CNOT9: variants seen among roughly 807,000 people sequenced by gnomAD.
CNOT9 encodes CCR4-NOT transcription complex subunit 9.
In CNOT9, 8 loss-of-function variants were observed where a neutral mutation model predicts 37.4. The ratio of observed to expected loss-of-function variants is 0.21; its 90% CI spans 0.13 to 0.39. The LOEUF (loss-of-function observed/expected upper bound fraction) is 0.39, where lower values mean the gene tolerates loss of function less well. CNOT9 is among the 10% of genes least tolerant of loss of function. The pLI, the probability that CNOT9 is intolerant of heterozygous loss-of-function variation, is 1.00. For synonymous variants in CNOT9, 120 were observed against 137.6 expected (o/e 0.87, Z 0.90); for missense variants, 154 against 365.3 (o/e 0.42, Z 4.71).
rs567485412 is a variant in CNOT9, at chr2:218,592,720, A to T, written c.731+13A>T. On this transcript the variant is annotated intron_variant, in intron 7 of 7. Transcript: ENST00000273064. The surrounding 1 kb of genome is among the most constrained non-coding windows in gnomAD (Gnocchi z 4.1). Reference sequence around the variant, plus strand: ...CAGATAACCCCAGGTAAACATTTATAGGATGTATAGGACTTTAGGGAAATA... The same window carrying T: ...CAGATAACCCCAGGTAAACATTTATTGGATGTATAGGACTTTAGGGAAATA... 1.0e-5 allele frequency: 16 copies of T among 1,596,020 alleles called. No homozygotes were observed. In the South Asian group the frequency reaches 1.4e-4, roughly 14 times the overall value.
chr2:218,597,023 A>G lies in CNOT9; in HGVS notation c.*2747A>G, dbSNP rs1230848525. The stretch of plus-strand genomic sequence containing the variant: ...CCTCTGCTCATTGTTCCTGCTGCTT[A>G]AAGGCTAGGAAAAGGGGGATATACA... On this transcript the variant is annotated 3_prime_UTR_variant, in exon 8 of 8. Coordinates refer to ENST00000273064, the MANE Select transcript of CNOT9 (RefSeq NM_005444.3). 6.6e-6 allele frequency: 1 copy of G among 151,424 alleles called. No individual in the cohort carries two copies. The highest frequency in any genetic ancestry group is 1.5e-5 in the Non-Finnish European group (1 of 67,958). The allele number at this position is 151,424 out of a possible 1,614,324, so 9.4% of individuals were successfully genotyped here. A position where few individuals can be genotyped will look rare whatever the true frequency, so the allele number is the denominator to read the frequency against.
chr2:218,581,779 A>G (rs2106087490), intron 2 of CNOT9, among the ~76,000 whole-genome samples: 1 of 152,362 alleles, frequency 6.6e-6, no homozygotes, highest in East Asian at 1.9e-4. Context: ...AGTTTTACAA[A>G]TAATGTAAAT....
chr2:218,569,953 T>G (rs1278786297), intron 1 of CNOT9, among the ~76,000 whole-genome samples: 3 of 152,030 alleles, frequency 2.0e-5, no homozygotes, highest in Non-Finnish European at 4.4e-5. Context: ...CTAACTTTAG[T>G]AGAGTACCCT....
In CNOT9 at chr2:218,596,541, AC is replaced by A; in HGVS notation, c.*2266del. The A allele has an allele frequency of 7.8e-6, 1 of 127,620 alleles. No homozygotes were observed. Among genetic ancestry groups the A allele is most frequent in the Non-Finnish European group, 1.5e-5 (1 of 65,710 alleles). 7.9% of individuals were successfully genotyped at this position (127,620 alleles called of 1,614,324 possible). On this transcript the variant is annotated 3_prime_UTR_variant, in exon 8 of 8. Coordinates refer to ENST00000273064, the MANE Select transcript of CNOT9 (RefSeq NM_005444.3). The stretch of plus-strand genomic sequence containing the variant: ...TCTCCCCTCTGTCTACCTACACAAC[AC>A]ACACACACACACACACACAGCCCTG...
intron 1 of CNOT9, among the ~76,000 whole-genome samples, chr2:218,580,186 C>G (rs1167340484): frequency 6.6e-6 from 1 of 152,022 alleles, no homozygotes; most frequent in African/African-American, 2.4e-5. Flanking sequence ...CCAGGCTGGT[C>G]TCAAACTCCT....
Position 218,574,381 on chromosome 2 carries a change from C to A in CNOT9, c.24+5403C>A, listed in dbSNP as rs374548083. The A allele has an allele frequency of 4.2e-4, 64 of 153,426 alleles. 1 individual carries two copies. In the South Asian group the frequency reaches 0.012, roughly 30 times the overall value. The allele number at this position is 153,426 out of a possible 1,614,324, so 9.5% of individuals were successfully genotyped here. On this transcript the variant is annotated intron_variant, in intron 1 of 7. Transcript: ENST00000273064. ...CTAAATCAGATTTCTCATGATGATT[C>A]TATGTGTCCAGGTATGTAATTGAGC...
chr2:218,580,581 A>G lies in CNOT9; in HGVS notation c.45A>G (p.Ala15=). The change falls in exon 2 of 8, where the codon GCA becomes GCG. Residue 15 remains alanine, a synonymous_variant. Coordinates refer to ENST00000273064, the MANE Select transcript of CNOT9 (RefSeq NM_005444.3). Reference sequence around the variant, plus strand: ...TGAAGCCTGTGCCTACTACACTGGCACAAGTGGATAGAGAAAAGATCTATC... The same window carrying G: ...TGAAGCCTGTGCCTACTACACTGGCGCAAGTGGATAGAGAAAAGATCTATC... ...ATAAPVPTTL[A]QVDREKIYQW... is the part of the protein sequence containing the mutation. 1.2e-6 allele frequency: 2 copies of G among 1,613,328 alleles called. No individual in the cohort carries two copies. Among genetic ancestry groups the G allele is most frequent in the Non-Finnish European group, 1.7e-6 (2 of 1,179,556 alleles).
rs1032850781 is a variant in CNOT9, at chr2:218,568,895, G to A, written c.-60G>A. 1.3e-6 allele frequency: 2 copies of A among 1,581,998 alleles called. No individual in the cohort carries two copies. The highest frequency in any genetic ancestry group is 2.7e-5 in the African/African-American group (2 of 74,320). On this transcript the variant is annotated 5_prime_UTR_variant, in exon 1 of 8. An upstream open reading frame in the 5' UTR loses its in-frame stop. Transcript: ENST00000273064. ...CATTGTTTTCCGCTGCAGGGGTGCTGAAGGGGGGACGCGGGTCGGACGCGT... is the reference window on the plus strand; with the variant it reads ...CATTGTTTTCCGCTGCAGGGGTGCTAAAGGGGGGACGCGGGTCGGACGCGT...
intron 1 of CNOT9, among the ~76,000 whole-genome samples, chr2:218,573,466 A>G (rs1378273222): frequency 6.6e-6 from 1 of 151,798 alleles, no homozygotes; most frequent in Non-Finnish European, 1.5e-5. Context: ...CAGACTTGGG[A>G]AAATAATCTC....
intron 1 of CNOT9, among the ~76,000 whole-genome samples, chr2:218,576,677 T>C (rs1002583481): frequency 6.6e-6 from 1 of 152,190 alleles, no homozygotes; most frequent in Non-Finnish European, 1.5e-5. Flanking sequence ...TATTAGGAAG[T>C]CATTTTTAGG....
At chr2:218,576,966 C>CAAAAAAA (rs34234485) in intron 1 of CNOT9, among the ~76,000 whole-genome samples, 1 of 137,004 alleles carries the variant, frequency 7.3e-6, no homozygotes. Flanking sequence ...GGCTCCATCT[C>CAAAAAAA]AAAAAAAAAA....
chr2:218,576,463 C>T (rs1456955183), intron 1 of CNOT9, among the ~76,000 whole-genome samples: 2 of 152,126 alleles, frequency 1.3e-5, no homozygotes, highest in Admixed American at 1.3e-4. Context: ...CTATGTGAAA[C>T]TATTGTACTG....
intron 1 of CNOT9, among the ~76,000 whole-genome samples, chr2:218,579,512 A>G (rs1023437104): frequency 1.3e-5 from 2 of 152,160 alleles, no homozygotes; most frequent in African/African-American, 4.8e-5. Flanking sequence ...TTTGAGACGG[A>G]GTCTCACACT....
intron 7 of CNOT9, 56 bp from the exon 8 acceptor site, chr2:218,594,052 C>A (rs1694859785): frequency 3.2e-6 from 5 of 1,567,906 alleles, no homozygotes; most frequent in Non-Finnish European, 4.4e-6. Flanking sequence ...TCCCTGTCCA[C>A]AAAATGTGGG....
chr2:218,576,237 G>A (rs1336785126), intron 1 of CNOT9, among the ~76,000 whole-genome samples: 1 of 152,132 alleles, frequency 6.6e-6, no homozygotes, highest in Non-Finnish European at 1.5e-5. Context: ...TTGAGTTTTG[G>A]TGTTTTATTT....
At chr2:218,588,425 A>G (rs1694661168) in intron 5 of CNOT9, among the ~76,000 whole-genome samples, 1 of 151,180 alleles carries the variant, frequency 6.6e-6, no homozygotes, top group African/African-American at 2.4e-5. Flanking sequence ...AGTAGCTGGG[A>G]CTACAGGCAT....
chr2:218,570,475 A>G (rs900029769), intron 1 of CNOT9, among the ~76,000 whole-genome samples: 23 of 152,314 alleles, frequency 1.5e-4, no homozygotes, highest in African/African-American at 5.5e-4. Flanking sequence ...TAACTATTCA[A>G]TGTAGAGAGT....
chr2:218,591,549 C>G (rs539468679), intron 5 of CNOT9, among the ~76,000 whole-genome samples: 1 of 152,086 alleles, frequency 6.6e-6, no homozygotes, highest in Non-Finnish European at 1.5e-5. Flanking sequence ...TCAAGCCCAG[C>G]CTAGCCAAGA....
At position 218,592,071 on chromosome 2, in the gene CNOT9, AATAAG is replaced by A. The variant is rs1354015721; in HGVS notation, c.541-227_541-223del. 2.6e-5 allele frequency among the ~76,000 whole-genome samples: 4 copies of A among 152,210 alleles called. No individual in the cohort carries two copies. ...ACCTACCTCATTGATTTATTATAAA[AATAAG>A]ATAAGCATGTAAAGCCTCTAGAAAA... On this transcript the variant is annotated intron_variant, in intron 5 of 7. Transcript: ENST00000273064. The surrounding 1 kb of genome is among the most constrained non-coding windows in gnomAD (Gnocchi z 4.1).
Sources: gnomAD v4.1 joint callset for allele counts (sites outside exome capture counted in the v4.1 genomes callset) on GRCh38, gnomAD v4.1.1 for gene constraint, Gnocchi (gnomAD v3.1) non-coding constraint, MANE v1.5 for transcripts, NCBI Gene and HGNC (gene_info 2026-07-23, HGNC 2026-07-21) for gene names.